The following CNKSR2 variants were observed in gnomAD, a reference collection of about 807,000 sequenced individuals.
CNKSR2 encodes the protein CNK homolog protein 2.
CNKSR2 carries 14 observed loss-of-function variants against 84.4 expected under a neutral mutation model. The ratio of observed to expected loss-of-function variants is 0.17; its 90% CI spans 0.11 to 0.26. The LOEUF is 0.26. Among genes scored for constraint, CNKSR2 ranks in the 10% least tolerant of loss-of-function variants. The pLI is 1.00. For synonymous variants in CNKSR2, 275 were observed against 277.9 expected, an observed-to-expected ratio of 0.99 and a Z score of 0.10; for missense variants, 485 against 771.2, an observed-to-expected ratio of 0.63 and a Z score of 4.40.
At chrX:21,426,748 G>A (rs1003527349) in intron 2 of CNKSR2, 88 bp downstream of exon 2, 16 of 1,005,772 alleles carry the variant, frequency 1.6e-5, no homozygotes, top group African/African-American at 2.0e-5. Context: ...TTTGATAATC[G>A]AAATGCAAAT....
At chrX:21,574,132 A>G (rs978558997) in intron 13 of CNKSR2, among the ~76,000 whole-genome samples, 1 of 111,644 alleles carries the variant, frequency 9.0e-6, no homozygotes, top group African/African-American at 3.3e-5. Context: ...TCTCATCTTC[A>G]TCGGAGACCA....
At chrX:21,559,625 T>G (rs1229500290) in intron 11 of CNKSR2, among the ~76,000 whole-genome samples, 2 of 111,448 alleles carry the variant, frequency 1.8e-5, no homozygotes, top group Non-Finnish European at 3.8e-5. Flanking sequence ...TTGAATGAGC[T>G]GGACTACAGT....
intron 17 of CNKSR2, among the ~76,000 whole-genome samples, chrX:21,599,985 A>G (rs2092472609): frequency 8.9e-6 from 1 of 111,772 alleles, no homozygotes; most frequent in African/African-American, 3.3e-5. Context: ...TACTGAATTC[A>G]TTTGATAATC....
At chrX:21,555,564 G>T (rs776673982) in intron 11 of CNKSR2, among the ~76,000 whole-genome samples, 19 of 111,328 alleles carry the variant, frequency 1.7e-4, no homozygotes, top group Non-Finnish European at 3.6e-4. Context: ...AATTCAGTCA[G>T]CCATCTGAAA....
At chrX:21,441,075 C>G (rs1364380056) in intron 4 of CNKSR2, 1 of 149,552 alleles carries the variant, frequency 6.7e-6, no homozygotes, top group African/African-American at 3.0e-5. Flanking sequence ...CAAATATTAT[C>G]TAAGCCAGGG....
chrX:21,616,100 C>T (rs891649201), intron 20 of CNKSR2, among the ~76,000 whole-genome samples: 5 of 111,468 alleles, frequency 4.5e-5, no homozygotes, highest in Non-Finnish European at 9.4e-5. Context: ...ATATTTTCCC[C>T]TCAGAGATCC....
At chrX:21,437,882 A>G (rs2090730205) in intron 3 of CNKSR2, among the ~76,000 whole-genome samples, 1 of 111,604 alleles carries the variant, frequency 9.0e-6, no homozygotes, top group Non-Finnish European at 1.9e-5. Context: ...ATGGATTTTT[A>G]ACAGTTGGTT....
At chrX:21,583,020 T>A (rs908961702) in intron 13 of CNKSR2, among the ~76,000 whole-genome samples, 3 of 112,188 alleles carry the variant, frequency 2.7e-5, no homozygotes, top group African/African-American at 9.7e-5. Flanking sequence ...TACCAATTAC[T>A]GTCTTTTTGT....
At chrX:21,618,052 G>GA (rs2092586210) in intron 20 of CNKSR2, among the ~76,000 whole-genome samples, 1 of 109,730 alleles carries the variant, frequency 9.1e-6, no homozygotes. Context: ...GCTCTGTGAT[G>GA]AAAGAGCCAA....
intron 20 of CNKSR2, chrX:21,637,318 T>C (rs752632702): frequency 1.8e-5 from 2 of 111,872 alleles, no homozygotes; most frequent in Middle Eastern, 4.6e-3. Context: ...TCAAATTATC[T>C]GGAAACAGTA....
At chrX:21,376,412 G>C (rs2089816315) in intron 1 of CNKSR2, among the ~76,000 whole-genome samples, 1 of 112,096 alleles carries the variant, frequency 8.9e-6, no homozygotes, top group Non-Finnish European at 1.9e-5. Flanking sequence ...AAATGTGAGT[G>C]AATTGAATTA....
chrX:21,497,911 A>C, intron 7 of CNKSR2, 65 bp downstream of exon 7: 1 of 544,218 alleles, frequency 1.8e-6, no homozygotes, highest in South Asian at 2.6e-5. Flanking sequence ...CAACTTATAT[A>C]TCTCACATGA....
chrX:21,499,815 T>C (rs1278930547), intron 7 of CNKSR2, among the ~76,000 whole-genome samples: 5 of 110,638 alleles, frequency 4.5e-5, no homozygotes, highest in African/African-American at 1.3e-4. Context: ...ATTCTATCTC[T>C]AGGATCTCTT....
At chrX:21,478,513 T>C (rs562838631) in intron 5 of CNKSR2, among the ~76,000 whole-genome samples, 5 of 112,117 alleles carry the variant, frequency 4.5e-5, no homozygotes, top group African/African-American at 1.3e-4. Flanking sequence ...TATATAGGTG[T>C]TTTTGCTAAC....
intron 11 of CNKSR2, among the ~76,000 whole-genome samples, chrX:21,550,304 CAT>C (rs1406370291): frequency 3.6e-5 from 4 of 111,997 alleles, no homozygotes; most frequent in Admixed American, 2.8e-4. Flanking sequence ...GGCCGACAAA[CAT>C]ATGAAAAAAA....
At chrX:21,478,739 C>T (rs2091284862) in intron 5 of CNKSR2, among the ~76,000 whole-genome samples, 4 of 111,254 alleles carry the variant, frequency 3.6e-5, no homozygotes, top group Non-Finnish European at 7.5e-5. Context: ...CTAAGTTAGC[C>T]TTTCTGACTA....
chrX:21,379,958 G>A (rs767157663), intron 1 of CNKSR2, among the ~76,000 whole-genome samples: 2 of 111,128 alleles, frequency 1.8e-5, no homozygotes, highest in Non-Finnish European at 3.8e-5. Context: ...TAAATGTAGC[G>A]GCACAGCAAG....
chrX:21,470,805 G>T lies in CNKSR2; in HGVS notation c.559G>T (p.Val187Leu), dbSNP rs770022036. 1 of 1,008,594 alleles carries T rather than the reference G, an allele frequency of 9.9e-7. No homozygotes were observed. The highest frequency in any genetic ancestry group is 2.3e-5 in the South Asian group (1 of 42,796). 83.1% of individuals were successfully genotyped at this position (1,008,594 alleles called of 1,213,427 possible). A position where few individuals can be genotyped will look rare whatever the true frequency, so the allele number is the denominator to read the frequency against. The change falls in exon 5 of 22, where the codon GTG becomes TTG. Residue 187 changes from valine to leucine, a missense_variant and splice_region_variant. This residue lies in a region of CNKSR2 where 109 missense variants were observed against 197.5 expected (regional missense o/e 0.55). Coordinates refer to ENST00000379510, the MANE Select transcript of CNKSR2 (RefSeq NM_014927.5). Reference sequence around the variant, plus strand: ...TGAAACAGAGAATAAAATTCTTCACGTGGTGAGTATACTTGGATTTATTTT... The same window carrying T: ...TGAAACAGAGAATAAAATTCTTCACTTGGTGAGTATACTTGGATTTATTTT... The part of the protein sequence containing the change: ...VYETENKILH[V>L]CKTLSGVCDH...
At chrX:21,443,082 G>A (rs1393970113) in intron 4 of CNKSR2, among the ~76,000 whole-genome samples, 1 of 110,583 alleles carries the variant, frequency 9.0e-6, no homozygotes, top group Non-Finnish European at 1.9e-5. Flanking sequence ...AATCTGTACA[G>A]CAAACCCCAT....
Sources: gnomAD v4.1 joint callset for allele counts (sites outside exome capture counted in the v4.1 genomes callset) on GRCh38, gnomAD v4.1.1 for gene constraint, gnomAD v4.1.1 regional missense constraint, MANE v1.5 for transcripts, NCBI Gene and HGNC (gene_info 2026-07-23, HGNC 2026-07-21) for gene names.